SPATA18: variants seen among roughly 807,000 people sequenced by gnomAD.
SPATA18 encodes the protein spermatogenesis associated 18.
In SPATA18, 54 loss-of-function variants were observed where a neutral mutation model predicts 68.1. That is an observed-to-expected ratio of 0.79 (90% CI 0.64 to 0.99). The LOEUF (loss-of-function observed/expected upper bound fraction) is 0.99, where lower values mean the gene tolerates loss of function less well. SPATA18 is among the 50% of genes least tolerant of loss of function. SPATA18 has a pLI of 0.00. For missense variants in SPATA18, 724 were observed against 681.1 expected (o/e 1.06, Z -0.70); for synonymous variants, 242 against 244.8 (o/e 0.99, Z 0.11).
At chr4:52,087,471 A>T (rs1005166396) in intron 11 of SPATA18, among the ~76,000 whole-genome samples, 17 of 152,136 alleles carry the variant, frequency 1.1e-4, no homozygotes, top group Admixed American at 1.0e-3. Context: ...GTCCAGTTTC[A>T]GTTTTCTGCA....
chr4:52,059,997 C>A (rs1164032815), intron 1 of SPATA18, among the ~76,000 whole-genome samples: 1 of 152,214 alleles, frequency 6.6e-6, no homozygotes, highest in Non-Finnish European at 1.5e-5. Context: ...CCAACTTTCT[C>A]AACCATGTGA....
chr4:52,094,414 G>C (rs1011461058), intron 11 of SPATA18, 113 bp from the exon 12 acceptor site: 15 of 885,506 alleles, frequency 1.7e-5, no homozygotes, highest in Non-Finnish European at 2.7e-5. Flanking sequence ...TAGTGCTAAA[G>C]TGCCTCAGAG....
At chr4:52,073,077 A>G (rs761008170) in intron 6 of SPATA18, among the ~76,000 whole-genome samples, 1 of 152,042 alleles carries the variant, frequency 6.6e-6, no homozygotes, top group Non-Finnish European at 1.5e-5. Context: ...GAGAGCCCCC[A>G]TTCCCATTCT....
chr4:52,070,013 G>A (rs1739667932), intron 5 of SPATA18, 97 bp downstream of exon 5: 1 of 500,058 alleles, frequency 2.0e-6, no homozygotes, highest in Admixed American at 4.4e-5. Flanking sequence ...CACTATCAGA[G>A]AGAAAATGCA....
chr4:52,068,245 C>T (rs937522219), intron 4 of SPATA18, among the ~76,000 whole-genome samples: 2 of 152,164 alleles, frequency 1.3e-5, no homozygotes, highest in Admixed American at 6.5e-5. Flanking sequence ...ATATTAGTTT[C>T]CTTTCAATCT....
Position 52,051,371 on chromosome 4 carries a change from C to T in SPATA18, c.-334C>T. 4.3e-6 allele frequency: 1 copy of T among 230,926 alleles called. No homozygotes were observed. The highest frequency in any genetic ancestry group is 8.3e-6 in the Non-Finnish European group (1 of 120,488). The allele number at this position is 230,926 out of a possible 1,614,324, so 14.3% of individuals were successfully genotyped here. A position where few individuals can be genotyped will look rare whatever the true frequency, so the allele number is the denominator to read the frequency against. On this transcript the variant is annotated 5_prime_UTR_variant, in exon 1 of 13. Transcript: ENST00000295213. ...GCGCGGGCGTTGCCACGACGCGGGC[C>T]GCGCGCGTCCCTGGCAGCCAACCCG... is the stretch of plus-strand genomic sequence containing the variant.
In SPATA18 at chr4:52,078,856, G is replaced by T. The variant is rs746263682; in HGVS notation, c.1142G>T (p.Cys381Phe). The change falls in exon 8 of 13, where the codon TGT (cysteine) becomes TTT (phenylalanine). Residue 381 changes from cysteine to phenylalanine, a missense_variant. Physicochemically the swap from Cys to Phe is radical, Grantham distance 205 (BLOSUM62 -2). Coordinates refer to ENST00000295213, the MANE Select transcript of SPATA18 (RefSeq NM_145263.4). ...FENAVLDYVI[C>F]HLDLYDSQSS... Reference sequence around the variant, plus strand: ...AATGCTGTCTTGGATTATGTCATTTGTCATCTTGATCTATATGATTCTCAA... The same window carrying T: ...AATGCTGTCTTGGATTATGTCATTTTTCATCTTGATCTATATGATTCTCAA... 2 of 1,605,186 alleles carry T rather than the reference G, an allele frequency of 1.2e-6. No individual in the cohort carries two copies. Among genetic ancestry groups the T allele is most frequent in the Non-Finnish European group, 8.5e-7 (1 of 1,172,846 alleles).
At chr4:52,086,940 T>C (rs1435872841) in intron 11 of SPATA18, among the ~76,000 whole-genome samples, 3 of 152,220 alleles carry the variant, frequency 2.0e-5, no homozygotes, top group Admixed American at 6.5e-5. Context: ...GTTTCCTGAC[T>C]TTTTAATGAT....
At chr4:52,061,592 G>T (rs948654152) in intron 3 of SPATA18, among the ~76,000 whole-genome samples, 2 of 151,908 alleles carry the variant, frequency 1.3e-5, no homozygotes, top group Non-Finnish European at 2.9e-5. Flanking sequence ...TCCCTGCTTG[G>T]AGATCACTGA....
chr4:52,078,942 T>C (rs756451575), intron 8 of SPATA18, 49 bp downstream of exon 8: 1 of 1,496,902 alleles, frequency 6.7e-7, no homozygotes, highest in Non-Finnish European at 9.1e-7. Flanking sequence ...GCTGCTGCAG[T>C]TTATATTGAG....
intron 11 of SPATA18, among the ~76,000 whole-genome samples, chr4:52,092,251 G>C (rs1742024392): frequency 1.3e-5 from 2 of 151,468 alleles, no homozygotes; most frequent in African/African-American, 4.8e-5. Context: ...GCGCCACTGG[G>C]ATATGGGAGA....
chr4:52,079,608 T>G, intron 8 of SPATA18, 136 bp from the exon 9 acceptor site: 2 of 951,228 alleles, frequency 2.1e-6, no homozygotes, highest in Non-Finnish European at 3.2e-6. Flanking sequence ...TTTTAGCACA[T>G]TCACTGTTTT....
chr4:52,087,919 A>G (rs943728045), intron 11 of SPATA18, among the ~76,000 whole-genome samples: 9 of 152,084 alleles, frequency 5.9e-5, no homozygotes, highest in African/African-American at 2.2e-4. Context: ...ATATGTTTCC[A>G]TTTATTTGTG....
chr4:52,079,658 C>A, intron 8 of SPATA18, 86 bp from the exon 9 acceptor site: 2 of 1,448,826 alleles, frequency 1.4e-6, no homozygotes, highest in Non-Finnish European at 1.9e-6. Context: ...TCTTTTCCCA[C>A]CTCCCATCAA....
Position 52,096,226 on chromosome 4 carries a change from A to G in SPATA18, c.*1339A>G, listed in dbSNP as rs183247235. 6.6e-6 allele frequency: 1 copy of G among 152,250 alleles called. No homozygotes were observed. Among genetic ancestry groups the G allele is most frequent in the Non-Finnish European group, 1.5e-5 (1 of 68,030 alleles). The allele number at this position is 152,250 out of a possible 1,614,324, so 9.4% of individuals were successfully genotyped here. A position where few individuals can be genotyped will look rare whatever the true frequency, so the allele number is the denominator to read the frequency against. ...TTTTTTGCCCTCTTTGCATATTTAC[A>G]TTAGTCATCACTTTGAAGCAATGCA... On this transcript the variant is annotated 3_prime_UTR_variant, in exon 13 of 13. Coordinates refer to ENST00000295213, the MANE Select transcript of SPATA18 (RefSeq NM_145263.4).
At chr4:52,078,257 C>T (rs898409277) in intron 7 of SPATA18, 2 of 152,600 alleles carry the variant, frequency 1.3e-5, no homozygotes, top group African/African-American at 2.4e-5. Flanking sequence ...AATGTACAGA[C>T]CACATCTTCC....
intron 1 of SPATA18, 103 bp downstream of exon 1, chr4:52,051,894 G>A (rs527363306): frequency 4.6e-6 from 5 of 1,082,610 alleles, no homozygotes; most frequent in Non-Finnish European, 7.0e-6. Flanking sequence ...ACTTTGCAAA[G>A]CCTCCGCGGT....
chr4:52,070,419 A>C (rs2253189), intron 5 of SPATA18, among the ~76,000 whole-genome samples: 59,450 of 151,838 alleles, frequency 0.39, 12,063 homozygotes, highest in South Asian at 0.63. Flanking sequence ...GTGGAAAAAT[A>C]TCAGTTGAAC....
At chr4:52,053,100 CT>C (rs991742217) in intron 1 of SPATA18, among the ~76,000 whole-genome samples, 2 of 151,038 alleles carry the variant, frequency 1.3e-5, no homozygotes, top group African/African-American at 4.9e-5. Context: ...GTATTTACCC[CT>C]TTTTTTTTGC....
Sources: allele counts gnomAD v4.1 joint callset (sites outside exome capture counted in the v4.1 genomes callset), GRCh38; gene constraint gnomAD v4.1.1; transcripts MANE v1.5; gene names NCBI Gene and HGNC (gene_info 2026-07-23, HGNC 2026-07-21).